Variants in MME observed in about 807,000 individuals in gnomAD.
The protein encoded by MME is neprilysin.
In MME, 98 loss-of-function variants were observed where a neutral mutation model predicts 113.2. That is an observed-to-expected ratio of 0.87 (90% CI 0.74 to 1.02). The LOEUF (loss-of-function observed/expected upper bound fraction) is 1.02, where lower values mean the gene tolerates loss of function less well. MME is among the 50% of genes least tolerant of loss of function. MME has a pLI of 0.00. For missense variants in MME, 836 were observed against 896.0 expected, an observed-to-expected ratio of 0.93 and a Z score of 0.86; for synonymous variants, 292 against 300.6, an observed-to-expected ratio of 0.97 and a Z score of 0.30.
At chr3:155,148,408 C>CT in intron 15 of MME, 142 bp from the exon 16 acceptor site, 1 of 626,136 alleles carries the variant, frequency 1.6e-6, no homozygotes, top group South Asian at 2.0e-5. Flanking sequence ...TTAACTGGAA[C>CT]TACATCCTTT....
chr3:155,107,203 AT>A (rs1410461029), intron 3 of MME, among the ~76,000 whole-genome samples: 1 of 152,112 alleles, frequency 6.6e-6, no homozygotes, highest in Admixed American at 6.5e-5. Context: ...AAATACAAAA[AT>A]TAGCCTGGCG....
At chr3:155,036,083 A>G (rs1015171974) in intron 1 of MME, among the ~76,000 whole-genome samples, 4 of 152,102 alleles carry the variant, frequency 2.6e-5, no homozygotes, top group African/African-American at 7.2e-5. Context: ...TTACTAATGC[A>G]TTGGAGGTGA....
intron 8 of MME, among the ~76,000 whole-genome samples, chr3:155,128,538 A>G (rs1384096082): frequency 2.6e-5 from 4 of 152,142 alleles, no homozygotes; most frequent in Admixed American, 6.6e-5. Flanking sequence ...ATTGGCCTTC[A>G]ATGATTTTCT....
Position 155,143,577 on chromosome 3 carries a change from G to A in MME, c.1317+6G>A, listed in dbSNP as rs1721288407. On this transcript the variant is annotated splice_donor_region_variant and intron_variant, in intron 13 of 22. Transcript: ENST00000360490. ...CTGGAGAGAGTAAACATGTGGTAAT[G>A]TTTTCAGAATAATACACTGTCAGTT... The A allele has an allele frequency of 1.2e-6, 2 of 1,611,182 alleles. No individual in the cohort carries two copies. Among genetic ancestry groups the A allele is most frequent in the Non-Finnish European group, 1.7e-6 (2 of 1,177,880 alleles).
chr3:155,052,208 G>A (rs1328825945), intron 1 of MME, among the ~76,000 whole-genome samples: 2 of 152,192 alleles, frequency 1.3e-5, no homozygotes, highest in Non-Finnish European at 2.9e-5. Flanking sequence ...CTGGCATTGA[G>A]TGCCTGTGGC....
chr3:155,153,388 G>A (rs926442209), intron 16 of MME, among the ~76,000 whole-genome samples: 3 of 152,080 alleles, frequency 2.0e-5, no homozygotes, highest in East Asian at 1.9e-4. Flanking sequence ...AGGATTTTGC[G>A]CCAGTTTGTA....
chr3:155,121,266 T>G (rs1247018098), intron 8 of MME, among the ~76,000 whole-genome samples: 2 of 142,728 alleles, frequency 1.4e-5, no homozygotes, highest in African/African-American at 5.2e-5. Context: ...ACATTGATTT[T>G]GTATCCTGAG....
At chr3:155,116,590 G>GTACATATATA (rs1553759479) in intron 5 of MME, 31 bp downstream of exon 5, 7 of 1,240,792 alleles carry the variant, frequency 5.6e-6, no homozygotes, top group Admixed American at 2.0e-5. Context: ...TTCATTAGGA[G>GTACATATATA]TATATATATA....
intron 1 of MME, among the ~76,000 whole-genome samples, chr3:155,028,028 G>A (rs981540076): frequency 6.6e-6 from 1 of 152,148 alleles, no homozygotes; most frequent in Admixed American, 6.5e-5. Flanking sequence ...TAACCCTAAA[G>A]AGAGAATTCT....
chr3:155,125,518 G>A (rs142466937), intron 8 of MME, among the ~76,000 whole-genome samples: 1,729 of 136,344 alleles, frequency 0.013, 26 homozygotes, highest in Middle Eastern at 0.025. Flanking sequence ...AGAGTGCAGT[G>A]GCGCAATCTT....
At position 155,137,933 on chromosome 3, in the gene MME, ACTGT is replaced by A. The variant is rs60173588; in HGVS notation, c.721-166_721-163del. On this transcript the variant is annotated intron_variant, in intron 8 of 22. Transcript: ENST00000360490. ...TAAGCTCTTATTCAAAGATATATTGACTGTCTAAGAATCTGTGCAGGTCATTTCT... is the reference window on the plus strand; with the variant it reads ...TAAGCTCTTATTCAAAGATATATTGACTAAGAATCTGTGCAGGTCATTTCT... Among the ~76,000 whole-genome samples, 45,215 of 151,768 alleles carry A rather than the reference ACTGT, an allele frequency of 0.3. 7,416 individuals carry two copies. Among genetic ancestry groups the A allele is most frequent in the East Asian group, 0.43 (2,209 of 5,122 alleles).
intron 8 of MME, among the ~76,000 whole-genome samples, chr3:155,127,393 G>A (rs569541647): frequency 6.6e-6 from 1 of 152,276 alleles, no homozygotes; most frequent in South Asian, 2.1e-4. Flanking sequence ...CAGGCCACAG[G>A]AAGAAGAAAA....
rs186009637 is a variant in MME at position 155,125,273 on chromosome 3, G to A, written c.720+6462G>A. On this transcript the variant is annotated intron_variant, in intron 8 of 22. Transcript: ENST00000360490. ...GTGAGGCAATGCCTCGCCCTGCTTCGGCTCACGCACGGTGCGTGCACCCAC... is the reference window on the plus strand; with the variant it reads ...GTGAGGCAATGCCTCGCCCTGCTTCAGCTCACGCACGGTGCGTGCACCCAC... Among the ~76,000 whole-genome samples the A allele has an allele frequency of 2.0e-3, 252 of 129,196 alleles. 8 individuals carry two copies. Among genetic ancestry groups the A allele is most frequent in the South Asian group, 0.011 (42 of 3,670 alleles). The allele number at this position is 129,196 out of a possible 152,430, so 84.8% of individuals were successfully genotyped here.
intron 3 of MME, among the ~76,000 whole-genome samples, chr3:155,108,956 G>T (rs761532527): frequency 6.6e-6 from 1 of 152,130 alleles, no homozygotes; most frequent in African/African-American, 2.4e-5. Context: ...TTAAGGTTGC[G>T]TCTTCTTAAG....
chr3:155,062,209 C>A (rs1243835167), intron 1 of MME, among the ~76,000 whole-genome samples: 1 of 152,096 alleles, frequency 6.6e-6, no homozygotes, highest in Non-Finnish European at 1.5e-5. Context: ...ATGTATCTAT[C>A]TACTTACCTT....
At chr3:155,154,535 T>C (rs1164888358) in intron 16 of MME, among the ~76,000 whole-genome samples, 1 of 152,170 alleles carries the variant, frequency 6.6e-6, no homozygotes, top group Admixed American at 6.6e-5. Context: ...GACCTTACTG[T>C]GAAGTTTTCA....
At chr3:155,040,499 TAC>T (rs1174396014) in intron 1 of MME, among the ~76,000 whole-genome samples, 1 of 151,840 alleles carries the variant, frequency 6.6e-6, no homozygotes, top group Non-Finnish European at 1.5e-5. Context: ...ATATATAAAA[TAC>T]ACAAACATAT....
intron 3 of MME, among the ~76,000 whole-genome samples, chr3:155,088,365 A>G (rs1458444258): frequency 1.3e-5 from 2 of 152,208 alleles, no homozygotes; most frequent in Non-Finnish European, 2.9e-5. Context: ...TGGCCAGAGT[A>G]GAGTAGATGG....
In MME at chr3:155,042,916, ATATATATATATATATATATATATG is replaced by A. The variant is rs1311363161; in HGVS notation, c.-11+18612_-11+18635del. Among the ~76,000 whole-genome samples, 97 of 47,024 alleles carry A rather than the reference ATATATATATATATATATATATATG, an allele frequency of 2.1e-3. 1 individual carries two copies. Among genetic ancestry groups the A allele is most frequent in the South Asian group, 9.7e-3 (14 of 1,440 alleles). 30.8% of individuals were successfully genotyped at this position (47,024 alleles called of 152,430 possible). A position where few individuals can be genotyped will look rare whatever the true frequency, so the allele number is the denominator to read the frequency against. ...TAGTAGGTTTTATATATATATATAT[ATATATATATATATATATATATATG>A]TATATATATATATATATATCACATT... On this transcript the variant is annotated intron_variant, in intron 1 of 22. Transcript: ENST00000492661.
Sources: gnomAD v4.1 joint callset for allele counts (sites outside exome capture counted in the v4.1 genomes callset) on GRCh38, gnomAD v4.1.1 for gene constraint, MANE v1.5 for transcripts, NCBI Gene and HGNC (gene_info 2026-07-23, HGNC 2026-07-21) for gene names.